Variants in IPO8 observed in about 807,000 individuals in gnomAD.
The protein encoded by IPO8 is importin-8.
Under a neutral mutation model 141.2 loss-of-function variants are expected in IPO8, and 65 were observed. That is an observed-to-expected ratio of 0.46 (90% CI 0.38 to 0.57). The LOEUF (loss-of-function observed/expected upper bound fraction) is 0.57. Ranked by LOEUF, IPO8 falls within the 20% of genes least tolerant of loss-of-function variation. The pLI, the probability that IPO8 is intolerant of heterozygous loss-of-function variation, is 0.00. For synonymous variants in IPO8, 411 were observed against 420.3 expected (o/e 0.98, Z 0.27); for missense variants, 980 against 1,246.8 (o/e 0.79, Z 3.22).
rs150990144 is a variant in IPO8 at position 30,638,358 on chromosome 12, T to C, written c.2489+1157A>G. On this transcript the variant is annotated intron_variant, in intron 21 of 24. Transcript: ENST00000256079. Reference sequence around the variant, plus strand: ...GGGATTAATTCCAGTGTCCTGCAAGTAGAAAAATTAGAACACGCATAGCAG... The same window carrying C: ...GGGATTAATTCCAGTGTCCTGCAAGCAGAAAAATTAGAACACGCATAGCAG... Among the ~76,000 whole-genome samples, 107 of 152,324 alleles carry C rather than the reference T, an allele frequency of 7.0e-4. 2 individuals carry two copies. In the East Asian group the frequency reaches 0.015, roughly 21 times the overall value.
chr12:30,661,386 C>T (rs759129901), intron 15 of IPO8, 120 bp from the exon 16 acceptor site: 10 of 749,980 alleles, frequency 1.3e-5, no homozygotes, highest in Non-Finnish European at 2.0e-5. Flanking sequence ...ACTTTGAAGT[C>T]TGCACTTTGC....
intron 8 of IPO8, among the ~76,000 whole-genome samples, chr12:30,671,705 CAAT>C (rs1321392580): frequency 7.7e-6 from 1 of 130,092 alleles, no homozygotes; most frequent in East Asian, 2.3e-4. Context: ...AAAAAAATTA[CAAT>C]AACAGATCTG....
intron 9 of IPO8, among the ~76,000 whole-genome samples, chr12:30,670,472 A>G (rs2053032074): frequency 3.3e-5 from 5 of 152,304 alleles, no homozygotes; most frequent in African/African-American, 1.2e-4. Flanking sequence ...CTTTAGGCAA[A>G]CGATATAGAA....
At position 30,665,312 on chromosome 12, in the gene IPO8, A is replaced by G. The variant is rs1046302278; in HGVS notation, c.1339-3T>C. The G allele has an allele frequency of 2.0e-6, 3 of 1,499,330 alleles. No homozygotes were observed. The highest frequency in any genetic ancestry group is 4.5e-5 in the East Asian group (2 of 44,090). The allele number at this position is 1,499,330 out of a possible 1,614,324, so 92.9% of individuals were successfully genotyped here. On this transcript the variant is annotated splice_region_variant and splice_polypyrimidine_tract_variant and intron_variant, in intron 12 of 24. Coordinates refer to ENST00000256079, the MANE Select transcript of IPO8 (RefSeq NM_006390.4). ...ATTTGGTCCTTGAATAAACTCTTCTATTAGGAAACAAATTTCAACTTATCA... is the reference window on the plus strand; with the variant it reads ...ATTTGGTCCTTGAATAAACTCTTCTGTTAGGAAACAAATTTCAACTTATCA...
chr12:30,682,796 A>G (rs766349349), intron 3 of IPO8, among the ~76,000 whole-genome samples: 17 of 152,308 alleles, frequency 1.1e-4, no homozygotes, highest in African/African-American at 1.4e-4. Context: ...AAAATTAAAC[A>G]AAATGATGCC....
chr12:30,673,558 G>C (rs2053079797), intron 8 of IPO8, among the ~76,000 whole-genome samples: 1 of 152,154 alleles, frequency 6.6e-6, no homozygotes, highest in Non-Finnish European at 1.5e-5. Context: ...TCAGCTAAGA[G>C]TCTTGACGTC....
intron 20 of IPO8, among the ~76,000 whole-genome samples, chr12:30,640,217 C>T (rs756306729): frequency 6.6e-6 from 1 of 152,048 alleles, no homozygotes; most frequent in Admixed American, 6.5e-5. Flanking sequence ...GGAGCCTGAA[C>T]ATTAAAATAA....
At chr12:30,690,067 G>C (rs1405568229) in intron 2 of IPO8, among the ~76,000 whole-genome samples, 1 of 152,212 alleles carries the variant, frequency 6.6e-6, no homozygotes, top group African/African-American at 2.4e-5. Context: ...CTGCTCCGCA[G>C]TCACCTGGGT....
chr12:30,632,156 AACTT>A, intron 23 of IPO8, 145 bp from the exon 24 acceptor site: 1 of 579,600 alleles, frequency 1.7e-6, no homozygotes, highest in African/African-American at 1.9e-5. Flanking sequence ...AAGGTAATGA[AACTT>A]ACGCCAACAA....
rs2052400448 is a variant in IPO8 at position 30,629,421 on chromosome 12, C to T, written c.*1439G>A. The T allele has an allele frequency of 6.6e-6, 1 of 152,150 alleles. No individual in the cohort carries two copies. Among genetic ancestry groups the T allele is most frequent in the Admixed American group, 6.5e-5 (1 of 15,274 alleles). 9.4% of individuals were successfully genotyped at this position (152,150 alleles called of 1,614,324 possible). ...CCAAAACTCATGGTTTTCCAGGCTA[C>T]TTCTATAGACATCACTTAACCTAAA... On this transcript the variant is annotated 3_prime_UTR_variant, in exon 25 of 25. Coordinates refer to ENST00000256079, the MANE Select transcript of IPO8 (RefSeq NM_006390.4).
chr12:30,663,264 T>C (rs2052914083), intron 14 of IPO8, among the ~76,000 whole-genome samples: 2 of 152,208 alleles, frequency 1.3e-5, no homozygotes, highest in South Asian at 4.2e-4. Flanking sequence ...GCCCAGCCTA[T>C]CCTAGGGCCC....
At chr12:30,655,334 A>G (rs564853118) in intron 17 of IPO8, among the ~76,000 whole-genome samples, 6 of 152,190 alleles carry the variant, frequency 3.9e-5, no homozygotes, top group Non-Finnish European at 7.3e-5. Context: ...CTTTTTAAAA[A>G]TATTTATTTT....
intron 17 of IPO8, among the ~76,000 whole-genome samples, 159 bp downstream of exon 17, chr12:30,656,525 G>A (rs1317475368): frequency 1.3e-5 from 2 of 152,050 alleles, no homozygotes; most frequent in African/African-American, 4.8e-5. Flanking sequence ...TGAAAATACA[G>A]ATATTTAACA....
Position 30,639,496 on chromosome 12 carries a change from A to C in IPO8, c.2489+19T>G. The C allele has an allele frequency of 6.5e-7, 1 of 1,545,474 alleles. No individual in the cohort carries two copies. Among genetic ancestry groups the C allele is most frequent in the Non-Finnish European group, 8.9e-7 (1 of 1,117,826 alleles). ...TTTCCAGAAACAGAAAAGCAGTGTA[A>C]AATCCAAAAGACACATACCCAAGAA... On this transcript the variant is annotated intron_variant, in intron 21 of 24. Transcript: ENST00000256079.
intron 17 of IPO8, among the ~76,000 whole-genome samples, chr12:30,653,923 T>C (rs2052760790): frequency 6.6e-6 from 1 of 152,058 alleles, no homozygotes; most frequent in Non-Finnish European, 1.5e-5. Context: ...GAATAATTTA[T>C]GTAAGAAAAT....
chr12:30,676,833 G>A, intron 5 of IPO8: 1 of 1,111,064 alleles, frequency 9.0e-7, no homozygotes, highest in South Asian at 1.4e-5. Flanking sequence ...AAAAACAAAT[G>A]AATACCACTG....
chr12:30,662,955 T>A (rs1282556990), intron 14 of IPO8, among the ~76,000 whole-genome samples: 2 of 152,184 alleles, frequency 1.3e-5, no homozygotes, highest in Admixed American at 6.5e-5. Context: ...CATTGCTGAA[T>A]AGAGGCAAAC....
intron 16 of IPO8, among the ~76,000 whole-genome samples, 199 bp downstream of exon 16, chr12:30,660,941 AT>A: frequency 6.7e-6 from 1 of 149,766 alleles, no homozygotes; most frequent in Non-Finnish European, 1.5e-5. Context: ...ACATTATAAT[AT>A]TACAAATATT....
rs760533990 is a variant in IPO8 at position 30,679,803 on chromosome 12, G to GT, written c.639+678dup. Among the ~76,000 whole-genome samples, 7 of 152,164 alleles carry GT rather than the reference G, an allele frequency of 4.6e-5. 1 individual carries two copies. The highest frequency in any genetic ancestry group is 3.8e-4 in the East Asian group (2 of 5,196). On this transcript the variant is annotated intron_variant, in intron 5 of 24. Coordinates refer to ENST00000256079, the MANE Select transcript of IPO8 (RefSeq NM_006390.4). ...ATTCAACTAGAAAGCATGTAATAGA[G>GT]TTTAATTCATTCATCAAACAGTTAA...
Sources: allele counts gnomAD v4.1 joint callset (sites outside exome capture counted in the v4.1 genomes callset), GRCh38; gene constraint gnomAD v4.1.1; transcripts MANE v1.5; gene names NCBI Gene and HGNC (gene_info 2026-07-23, HGNC 2026-07-21).